PPARGC1A: variants seen among roughly 807,000 people sequenced by gnomAD.
PPARGC1A encodes peroxisome proliferator-activated receptor gamma coactivator 1-alpha.
A neutral mutation model predicts 88.7 loss-of-function variants in PPARGC1A; 25 were observed. That is an observed-to-expected ratio of 0.28 (90% CI 0.21 to 0.39). The LOEUF is 0.39. Among genes scored for constraint, PPARGC1A ranks in the 10% least tolerant of loss-of-function variants. The pLI, the probability that PPARGC1A is intolerant of heterozygous loss-of-function variation, is 1.00. For missense variants in PPARGC1A, 880 were observed against 968.7 expected (o/e 0.91, Z 1.22); for synonymous variants, 363 against 355.6 (o/e 1.02, Z -0.24).
chr4:23,969,579 T>C, the PPARGC1A span, among the ~76,000 whole-genome samples: 3 of 152,252 alleles, frequency 2.0e-5, 1 homozygote, highest in Admixed American at 2.0e-4. Flanking sequence ...CAGTTTACTC[T>C]ATCCTAAGAA....
At chr4:23,904,961 C>T (rs1478446661), upstream of PPARGC1A, among the ~76,000 whole-genome samples, 2 of 152,194 alleles carry the variant, frequency 1.3e-5, no homozygotes, top group Non-Finnish European at 1.5e-5. Context: ...AAATCTTGTT[C>T]CCTGGCAGCG....
the PPARGC1A span, among the ~76,000 whole-genome samples, chr4:23,992,963 C>T: frequency 5.3e-5 from 8 of 152,200 alleles, no homozygotes; most frequent in East Asian, 1.5e-3. Context: ...ATCAGATGTT[C>T]TTGGTAACTA....
chr4:23,916,562 C>CT, the PPARGC1A span, among the ~76,000 whole-genome samples: 6 of 151,992 alleles, frequency 3.9e-5, no homozygotes, highest in East Asian at 1.9e-4. Flanking sequence ...CTGAAACCTG[C>CT]TTTTTTAAAA....
At chr4:24,254,024 ATCG>A in the PPARGC1A span, among the ~76,000 whole-genome samples, 43 of 152,294 alleles carry the variant, frequency 2.8e-4, no homozygotes, top group African/African-American at 9.9e-4. Context: ...TTTTATCATC[ATCG>A]TCATCATGTA....
At chr4:23,871,684 A>T (rs1713402189) in intron 2 of PPARGC1A, among the ~76,000 whole-genome samples, 1 of 152,294 alleles carries the variant, frequency 6.6e-6, no homozygotes, top group Non-Finnish European at 1.5e-5. Context: ...TATGTCTGGA[A>T]TACAGAAGCT....
chr4:23,899,259 A>G lies in PPARGC1A; in HGVS notation n.52+8T>C, dbSNP rs948272249. ...AGCCATACAAAGCCACTAAGTGGGAACTCCCACCTGGGGCTCTCCTGTGGG... is the reference window on the plus strand; with the variant it reads ...AGCCATACAAAGCCACTAAGTGGGAGCTCCCACCTGGGGCTCTCCTGTGGG... On this transcript the variant is annotated splice_region_variant and intron_variant and non_coding_transcript_variant, in intron 1 of 3. Coordinates refer to the PPARGC1A transcript ENST00000507342. 3.9e-5 allele frequency: 6 copies of G among 152,138 alleles called. No homozygotes were observed. The South Asian group carries it at 1.2e-3, about 32-fold the overall frequency. The allele number at this position is 152,138 out of a possible 1,614,324, so 9.4% of individuals were successfully genotyped here.
intron 12 of PPARGC1A, among the ~76,000 whole-genome samples, chr4:23,801,319 ATAC>A (rs922954294): frequency 6.6e-6 from 1 of 152,030 alleles, no homozygotes; most frequent in African/African-American, 2.4e-5. Context: ...ACAAAGCACA[ATAC>A]TACACACATA....
the PPARGC1A span, among the ~76,000 whole-genome samples, chr4:24,126,496 A>G: frequency 6.6e-6 from 1 of 152,172 alleles, no homozygotes; most frequent in Non-Finnish European, 1.5e-5. Flanking sequence ...AGCCCGTAGC[A>G]GGATGAGATA....
chr4:24,459,410 T>C, the PPARGC1A span, among the ~76,000 whole-genome samples: 24 of 151,998 alleles, frequency 1.6e-4, no homozygotes, highest in African/African-American at 5.3e-4. Context: ...TTAGTGCCTA[T>C]TTCATTCCCT....
At chr4:24,028,898 T>C in the PPARGC1A span, among the ~76,000 whole-genome samples, 8 of 152,152 alleles carry the variant, frequency 5.3e-5, no homozygotes, top group Non-Finnish European at 1.0e-4. Flanking sequence ...TTCTGTGCCA[T>C]TTTTACTTTT....
Position 23,813,738 on chromosome 4 carries a change from G to C in PPARGC1A, c.1745C>G (p.Pro582Arg). Residue 582 changes from proline to arginine, a missense_variant, in exon 8 of 13, where the codon CCA becomes CGA. By Grantham distance (103) the Pro-to-Arg change is moderately radical. Transcript: ENST00000264867. The part of the protein sequence containing the change: ...FSRHRSCSRS[P>R]YSRSRSRSPG... ...AGACCTTGATCTTGACCTGGAATATGGTGATCGGGAACACGACCTGTGTCG... is the reference window on the plus strand; with the variant it reads ...AGACCTTGATCTTGACCTGGAATATCGTGATCGGGAACACGACCTGTGTCG... 1 of 1,612,630 alleles carries C rather than the reference G, an allele frequency of 6.2e-7. No individual in the cohort carries two copies. The highest frequency in any genetic ancestry group is 8.5e-7 in the Non-Finnish European group (1 of 1,178,942).
chr4:23,807,971 A>C (rs1030022800), intron 10 of PPARGC1A, among the ~76,000 whole-genome samples: 2 of 152,122 alleles, frequency 1.3e-5, no homozygotes, highest in Non-Finnish European at 2.9e-5. Flanking sequence ...ATAGAAAGCT[A>C]TTTCATTTTC....
chr4:24,184,455 A>G, the PPARGC1A span, among the ~76,000 whole-genome samples: 1 of 152,218 alleles, frequency 6.6e-6, no homozygotes, highest in Admixed American at 6.5e-5. Flanking sequence ...TGCTTAATCC[A>G]TACCTGGTAT....
the PPARGC1A span, among the ~76,000 whole-genome samples, chr4:24,042,320 C>G: frequency 6.6e-6 from 1 of 152,120 alleles, no homozygotes; most frequent in Non-Finnish European, 1.5e-5. Flanking sequence ...GATTGTGATG[C>G]AACACAAATT....
the PPARGC1A span, among the ~76,000 whole-genome samples, chr4:24,410,828 C>T: frequency 6.6e-6 from 1 of 152,162 alleles, no homozygotes; most frequent in South Asian, 2.1e-4. Flanking sequence ...CAGTGGTTCG[C>T]CAGGGGCTCC....
the PPARGC1A span, among the ~76,000 whole-genome samples, chr4:24,027,229 G>GTGTGTC: frequency 2.2e-4 from 31 of 143,368 alleles, no homozygotes; most frequent in Non-Finnish European, 2.9e-4. Context: ...CTGTGTGTCT[G>GTGTGTC]TGTGTGTCTG....
the PPARGC1A span, among the ~76,000 whole-genome samples, chr4:24,359,851 T>C: frequency 6.6e-6 from 1 of 152,312 alleles, no homozygotes; most frequent in East Asian, 1.9e-4. Context: ...ATACCTTAGT[T>C]TGGAACAGTT....
the PPARGC1A span, among the ~76,000 whole-genome samples, chr4:23,971,996 G>C: frequency 6.6e-6 from 1 of 151,686 alleles, no homozygotes; most frequent in African/African-American, 2.4e-5. Context: ...ATAATCTACC[G>C]TCAGGACCAT....
At chr4:24,172,734 G>A in the PPARGC1A span, among the ~76,000 whole-genome samples, 9 of 152,288 alleles carry the variant, frequency 5.9e-5, no homozygotes, top group South Asian at 6.2e-4. Flanking sequence ...CAGTTCATCC[G>A]TTGAAATCAA....
Sources: gnomAD v4.1 joint callset for allele counts (sites outside exome capture counted in the v4.1 genomes callset) on GRCh38, gnomAD v4.1.1 for gene constraint, MANE v1.5 for transcripts, NCBI Gene and HGNC (gene_info 2026-07-23, HGNC 2026-07-21) for gene names.